CHGA: variants seen among roughly 807,000 people sequenced by gnomAD.
CHGA encodes chromogranin-A.
In CHGA, 41 loss-of-function variants were observed where a neutral mutation model predicts 54.4. The ratio of observed to expected loss-of-function variants is 0.75; its 90% confidence interval spans 0.59 to 0.98. The LOEUF (loss-of-function observed/expected upper bound fraction) is 0.98, where lower values mean the gene tolerates loss of function less well. CHGA is among the 50% of genes least tolerant of loss of function. The pLI is 0.00. For synonymous variants in CHGA, 249 were observed against 232.8 expected (o/e 1.07, Z -0.63); for missense variants, 576 against 582.3 (o/e 0.99, Z 0.11).
chr14:92,929,478 C>T (rs1273416852), intron 4 of CHGA, among the ~76,000 whole-genome samples: 1 of 152,226 alleles, frequency 6.6e-6, no homozygotes, highest in Non-Finnish European at 1.5e-5. Flanking sequence ...TTGCTCTGGC[C>T]TCCCAGGGAG....
At chr14:92,926,479 G>A (rs1886887739) in intron 2 of CHGA, 126 bp from the exon 3 acceptor site, 2 of 718,592 alleles carry the variant, frequency 2.8e-6, no homozygotes, top group South Asian at 3.2e-5. Context: ...CCTGAGCCAG[G>A]GATCATGGAC....
chr14:92,933,743 G>A (rs984213329), intron 7 of CHGA, among the ~76,000 whole-genome samples: 2 of 152,204 alleles, frequency 1.3e-5, no homozygotes, highest in Non-Finnish European at 2.9e-5. Context: ...GTTGGCAGCT[G>A]TAGCGGGAGA....
upstream of CHGA, chr14:92,923,064 G>A (rs957505963): frequency 2.6e-5 from 7 of 267,818 alleles, no homozygotes; most frequent in African/African-American, 1.3e-4. Context: ...GGACACCTGG[G>A]GAGTGGGGAA....
In CHGA at chr14:92,932,571, A is replaced by G. The variant is rs1887027922; in HGVS notation, c.1010A>G (p.Glu337Gly). ...GAGGAGCGGCTCTCCAAGGAGTGGG[A>G]GGACTCCAAACGCTGGAGCAAGATG... ...QEEERLSKEW[E>G]DSKRWSKMDQ... The change falls in exon 7 of 8, where the codon GAG (glutamate) becomes GGG (glycine). Residue 337 changes from glutamate to glycine, a missense_variant. Physicochemically the swap from Glu to Gly is moderately conservative, Grantham distance 98 (BLOSUM62 -2). Coordinates refer to ENST00000216492, the MANE Select transcript of CHGA (RefSeq NM_001275.4). The surrounding 1 kb of genome is among the most constrained non-coding windows in gnomAD (Gnocchi z 5.3). 1 of 1,560,822 alleles carries G rather than the reference A, an allele frequency of 6.4e-7. No homozygotes were observed. Among genetic ancestry groups the G allele is most frequent in the Non-Finnish European group, 8.7e-7 (1 of 1,152,520 alleles).
At chr14:92,931,999 A>G in intron 6 of CHGA, 1 of 460,660 alleles carries the variant, frequency 2.2e-6, no homozygotes, top group Non-Finnish European at 3.8e-6. Context: ...GGGGTGGGTG[A>G]TGGGTGGGCT....
In CHGA at chr14:92,926,961, C is replaced by G. The variant is rs554585731; in HGVS notation, c.187+263C>G. On this transcript the variant is annotated intron_variant, in intron 3 of 7. Transcript: ENST00000216492. Reference sequence around the variant, plus strand: ...CAAAATAAAACCAGGGCTGAAACAGCAAGCCCCCAGACTGTGAGCTCCCTA... The same window carrying G: ...CAAAATAAAACCAGGGCTGAAACAGGAAGCCCCCAGACTGTGAGCTCCCTA... Among the ~76,000 whole-genome samples the G allele has an allele frequency of 3.9e-5, 6 of 152,360 alleles. No individual in the cohort carries two copies. The East Asian group carries it at 1.2e-3, about 29-fold the overall frequency.
chr14:92,931,815 A>G, intron 6 of CHGA, 113 bp downstream of exon 6: 2 of 1,077,570 alleles, frequency 1.9e-6, no homozygotes, highest in East Asian at 4.9e-5. Context: ...AAAGGTAGGT[A>G]TTAGCTCCAT....
chr14:92,933,647 T>C (rs1316082782), intron 7 of CHGA, among the ~76,000 whole-genome samples: 2 of 152,168 alleles, frequency 1.3e-5, no homozygotes, highest in Non-Finnish European at 2.9e-5. Context: ...GGCTCTTCTC[T>C]GCCCACCTAG....
At position 92,932,676 on chromosome 14, in the gene CHGA, T is replaced by A; in HGVS notation, c.1115T>A (p.Met372Lys). The change falls in exon 7 of 8, where the codon ATG (methionine) becomes AAG (lysine). Residue 372 changes from methionine to lysine, a missense_variant. Coordinates refer to ENST00000216492, the MANE Select transcript of CHGA (RefSeq NM_001275.4). The surrounding 1 kb of genome is among the most constrained non-coding windows in gnomAD (Gnocchi z 5.3). ...EEEEDNRDSSMKLSFRARAYG... is the reference protein window; with the variant it reads ...EEEEDNRDSSKKLSFRARAYG... ...GAGGAGGACAACCGGGACAGTTCCA[T>A]GAAGCTCTCCTTCCGGGCCCGGGCC... 1 of 1,608,976 alleles carries A rather than the reference T, an allele frequency of 6.2e-7. No homozygotes were observed. The highest frequency in any genetic ancestry group is 8.5e-7 in the Non-Finnish European group (1 of 1,179,108).
chr14:92,935,058 C>T lies in CHGA; in HGVS notation c.*174C>T, dbSNP rs996425529. 4.9e-5 allele frequency: 27 copies of T among 547,634 alleles called. No individual in the cohort carries two copies. The South Asian group carries it at 6.8e-4, about 14-fold the overall frequency. 33.9% of individuals were successfully genotyped at this position (547,634 alleles called of 1,614,324 possible). ...TACGCGCCTTGTCTCCTACTCCTGA[C>T]TCCTACCTGCCCTGGAACATCCTTT... is the stretch of plus-strand genomic sequence containing the variant. On this transcript the variant is annotated 3_prime_UTR_variant, in exon 8 of 8. Coordinates refer to ENST00000216492, the MANE Select transcript of CHGA (RefSeq NM_001275.4).
intron 2 of CHGA, chr14:92,926,313 A>G (rs1886885234): frequency 4.8e-6 from 2 of 419,544 alleles, no homozygotes; most frequent in East Asian, 7.4e-5. Flanking sequence ...AGAAGGTACC[A>G]GGTACCATTC....
In CHGA at chr14:92,931,413, A is replaced by AGAG. The variant is rs145227561; in HGVS notation, c.536_538dup (p.Glu179dup). 83 of 1,609,570 alleles carry AGAG rather than the reference A, an allele frequency of 5.2e-5. No individual in the cohort carries two copies. The South Asian group carries it at 5.5e-4, about 11-fold the overall frequency. The stretch of plus-strand genomic sequence containing the variant: ...GGAACAATCAGGCCCCTGGGGAGGA[A>AGAG]GAGGAGGAGGAGGAGGAGGCCACCA... On this transcript the variant is annotated inframe_insertion, in exon 6 of 8. Transcript: ENST00000216492.
chr14:92,929,701 CCTT>C lies in CHGA; in HGVS notation c.257-15_257-13del, dbSNP rs764490518. 7.3e-5 allele frequency: 117 copies of C among 1,612,882 alleles called. 2 individuals carry two copies. In the South Asian group the frequency reaches 7.5e-4, roughly 10 times the overall value. On this transcript the variant is annotated splice_polypyrimidine_tract_variant and intron_variant, in intron 4 of 7. Coordinates refer to ENST00000216492, the MANE Select transcript of CHGA (RefSeq NM_001275.4). The stretch of plus-strand genomic sequence containing the variant: ...GCTGCACCCAATGGGACTTTTCCCT[CCTT>C]TTCTCATACCAGGCGCCAAGGAGAG...
intron 1 of CHGA, 32 bp downstream of exon 1, chr14:92,923,437 G>A: frequency 1.6e-6 from 2 of 1,254,552 alleles, no homozygotes; most frequent in Non-Finnish European, 2.0e-6. Context: ...GCGGGAGAGG[G>A]TTCCGGGCGC....
At chr14:92,923,448 C>T in intron 1 of CHGA, 43 bp downstream of exon 1, 2 of 1,242,118 alleles carry the variant, frequency 1.6e-6, no homozygotes, top group Non-Finnish European at 1.0e-6. Context: ...TTCCGGGCGC[C>T]CCTGCCCACC....
intron 1 of CHGA, among the ~76,000 whole-genome samples, chr14:92,923,888 C>T (rs1180844598): frequency 6.6e-6 from 1 of 152,136 alleles, no homozygotes; most frequent in Non-Finnish European, 1.5e-5. Context: ...TCCCCTTCGT[C>T]TGTCTCCCAC....
chr14:92,931,829 C>G, intron 6 of CHGA, 127 bp downstream of exon 6: 1 of 967,238 alleles, frequency 1.0e-6, no homozygotes, highest in Non-Finnish European at 1.5e-6. Context: ...GCTCCATTTC[C>G]CAGGTGGACA....
intron 4 of CHGA, 130 bp downstream of exon 4, chr14:92,927,748 G>C: frequency 1.3e-6 from 1 of 758,066 alleles, no homozygotes; most frequent in South Asian, 1.7e-5. Context: ...GGAAAAGCAG[G>C]ATCCGCCGTG....
intron 5 of CHGA, among the ~76,000 whole-genome samples, chr14:92,930,597 A>G (rs969101234): frequency 1.3e-5 from 2 of 152,228 alleles, no homozygotes; most frequent in African/African-American, 4.8e-5. Context: ...GCTGCCCGCA[A>G]ACTGTGAGAT....
Sources: gnomAD v4.1 joint callset for allele counts (sites outside exome capture counted in the v4.1 genomes callset) on GRCh38, gnomAD v4.1.1 for gene constraint, Gnocchi (gnomAD v3.1) non-coding constraint, MANE v1.5 for transcripts, NCBI Gene and HGNC (gene_info 2026-07-23, HGNC 2026-07-21) for gene names.